CDH6: variants seen among roughly 807,000 people sequenced by gnomAD.
CDH6 encodes cadherin-6.
Under a neutral mutation model 78.0 loss-of-function variants are expected in CDH6, and 31 were observed. The observed-to-expected ratio is 0.40, with a 90% CI of 0.30 to 0.54. CDH6 has a LOEUF of 0.54. CDH6 is among the 20% of genes least tolerant of loss of function. The pLI is 0.56. For missense variants in CDH6, 724 were observed against 975.9 expected (o/e 0.74, Z 3.44); for synonymous variants, 376 against 368.8 (o/e 1.02, Z -0.23).
chr5:31,317,312 A>G, intron 9 of CDH6, 63 bp from the exon 10 acceptor site: 1 of 801,904 alleles, frequency 1.2e-6, no homozygotes, highest in East Asian at 2.5e-5. Context: ...ATTTATTGCA[A>G]AACGGTAAGA....
chr5:31,292,985 A>C (rs1737451370), intron 2 of CDH6, among the ~76,000 whole-genome samples: 1 of 151,870 alleles, frequency 6.6e-6, no homozygotes, highest in South Asian at 2.1e-4. Flanking sequence ...AGGAAACAAT[A>C]GGAAATCAAC....
intron 6 of CDH6, 49 bp from the exon 7 acceptor site, chr5:31,305,125 T>G: frequency 6.4e-7 from 1 of 1,569,184 alleles, no homozygotes; most frequent in Non-Finnish European, 8.6e-7. Flanking sequence ...GCTTTCTGTG[T>G]CTTGGCTGCT....
chr5:31,316,702 A>C (rs535652380), intron 9 of CDH6, among the ~76,000 whole-genome samples: 2 of 152,240 alleles, frequency 1.3e-5, no homozygotes, highest in Non-Finnish European at 2.9e-5. Context: ...TACATTGACC[A>C]TCTGTGTAAG....
At chr5:31,266,628 T>A (rs1373895612) in intron 1 of CDH6, among the ~76,000 whole-genome samples, 4 of 128,190 alleles carry the variant, frequency 3.1e-5, no homozygotes, top group Non-Finnish European at 6.8e-5. Flanking sequence ...TATTATTAGG[T>A]CCTCTAAGGA....
intron 1 of CDH6, among the ~76,000 whole-genome samples, chr5:31,212,482 C>T (rs1015373671): frequency 3.9e-5 from 6 of 152,070 alleles, no homozygotes; most frequent in African/African-American, 9.7e-5. Flanking sequence ...GTGCCAAATG[C>T]GGCTGAAATT....
chr5:31,265,832 T>C (rs1452766373), intron 1 of CDH6, among the ~76,000 whole-genome samples: 4 of 134,522 alleles, frequency 3.0e-5, no homozygotes, highest in African/African-American at 8.4e-5. Flanking sequence ...TGGAGTGCAG[T>C]GGTGCAATCT....
In CDH6 at chr5:31,239,268, G is replaced by C. The variant is rs149850609; in HGVS notation, c.-128-28078G>C. On this transcript the variant is annotated intron_variant, in intron 1 of 11. Transcript: ENST00000265071. The stretch of plus-strand genomic sequence containing the variant: ...GTTAAAGAAACTGAGGCCTAGAGAA[G>C]TTAAGAAACTTGCCAAGGGCCACAG... Among the ~76,000 whole-genome samples the C allele has an allele frequency of 4.6e-3, 697 of 152,306 alleles. 6 individuals carry two copies. Among genetic ancestry groups the C allele is most frequent in the African/African-American group, 0.015 (629 of 41,582 alleles).
intron 1 of CDH6, among the ~76,000 whole-genome samples, chr5:31,246,012 A>G (rs1160435991): frequency 6.7e-6 from 1 of 149,134 alleles, no homozygotes; most frequent in Admixed American, 6.8e-5. Context: ...GGTTCAAGCA[A>G]TTCTCTTGCC....
intron 2 of CDH6, among the ~76,000 whole-genome samples, chr5:31,274,589 G>T (rs1579872869): frequency 6.6e-6 from 1 of 152,232 alleles, no homozygotes; most frequent in Non-Finnish European, 1.5e-5. Context: ...GGAGGCCGAG[G>T]CAGGCATATC....
At position 31,323,189 on chromosome 5, in the gene CDH6, T is replaced by C; in HGVS notation, c.2254T>C (p.Ser752Pro). Residue 752 changes from serine to proline, a missense_variant, in exon 12 of 12, where the codon TCG becomes CCG. Around this residue, in one of 3 missense-constraint regions of CDH6, gnomAD observed 220 missense variants for 240.6 expected, o/e 0.91. Coordinates refer to ENST00000265071, the MANE Select transcript of CDH6 (RefSeq NM_004932.4). The part of the protein sequence containing the change: ...GTGSVADSLS[S>P]LESVTTDADQ... ...TGGCTCCGTGGCGGATTCCCTGAGC[T>C]CGCTGGAGTCAGTGACCACGGATGC... The C allele has an allele frequency of 6.8e-6, 11 of 1,614,150 alleles. No homozygotes were observed. Among genetic ancestry groups the C allele is most frequent in the Non-Finnish European group, 9.3e-6 (11 of 1,180,028 alleles).
Position 31,294,158 on chromosome 5 carries a change from A to G in CDH6, c.425A>G (p.Glu142Gly). Residue 142 changes from glutamate to glycine, a missense_variant, in exon 3 of 12, where the codon GAG becomes GGG. Around this residue, in one of 3 missense-constraint regions of CDH6, gnomAD observed 446 missense variants for 684.5 expected, o/e 0.65. Coordinates refer to ENST00000265071, the MANE Select transcript of CDH6 (RefSeq NM_004932.4). This position sits in a 1 kb window ranked among gnomAD's most constrained non-coding sequence, Gnocchi z 4.1. The part of the protein sequence containing the change: ...NRRTGRPVEP[E>G]SEFIIKIHDI... ...AGGACAGGGAGACCCGTGGAGCCCGAGTCTGAATTCATCATCAAGATCCAT... is the reference window on the plus strand; with the variant it reads ...AGGACAGGGAGACCCGTGGAGCCCGGGTCTGAATTCATCATCAAGATCCAT... 1.2e-6 allele frequency: 2 copies of G among 1,613,910 alleles called. No individual in the cohort carries two copies. The highest frequency in any genetic ancestry group is 1.7e-6 in the Non-Finnish European group (2 of 1,179,870).
intron 1 of CDH6, among the ~76,000 whole-genome samples, chr5:31,202,959 G>C (rs1172390351): frequency 1.3e-5 from 2 of 151,880 alleles, no homozygotes; most frequent in African/African-American, 4.8e-5. Context: ...CTTGTGGTCA[G>C]TCTAATTACC....
At chr5:31,196,479 C>G (rs539906938) in intron 1 of CDH6, among the ~76,000 whole-genome samples, 12 of 152,298 alleles carry the variant, frequency 7.9e-5, no homozygotes, top group African/African-American at 2.4e-4. Context: ...GCTTTGCAGT[C>G]ACGAATGCCA....
intron 1 of CDH6, among the ~76,000 whole-genome samples, chr5:31,261,628 T>C (rs1446637879): frequency 6.6e-6 from 1 of 152,220 alleles, no homozygotes; most frequent in Admixed American, 6.5e-5. Flanking sequence ...GTGCTTTCAA[T>C]GCCAAAGTTA....
intron 6 of CDH6, among the ~76,000 whole-genome samples, chr5:31,302,903 A>AAAAGAAAGAAGAAAGAAAG (rs1737843034): frequency 3.3e-5 from 3 of 90,424 alleles, no homozygotes; most frequent in African/African-American, 1.1e-4. Flanking sequence ...AAGAAAGAAA[A>AAAAGAAAGAAGAAAGAAAG]AAAGAAAGAA....
chr5:31,216,591 A>C (rs1441394881), intron 1 of CDH6, among the ~76,000 whole-genome samples: 2 of 150,648 alleles, frequency 1.3e-5, no homozygotes, highest in African/African-American at 2.4e-5. Context: ...CATCTAGTGT[A>C]TGTGGTAGTA....
intron 2 of CDH6, among the ~76,000 whole-genome samples, chr5:31,291,245 C>T (rs543738486): frequency 2.0e-5 from 3 of 151,900 alleles, no homozygotes; most frequent in South Asian, 2.1e-4. Context: ...CTTAGAGATA[C>T]CATGTGTCTG....
At chr5:31,213,806 C>T (rs1740785674) in intron 1 of CDH6, among the ~76,000 whole-genome samples, 1 of 152,102 alleles carries the variant, frequency 6.6e-6, no homozygotes, top group East Asian at 1.9e-4. Flanking sequence ...TTGTCAATTA[C>T]CTCCTTCAGA....
At chr5:31,283,832 T>TAA (rs1742936036) in intron 2 of CDH6, among the ~76,000 whole-genome samples, 1 of 151,156 alleles carries the variant, frequency 6.6e-6, no homozygotes, top group Non-Finnish European at 1.5e-5. Flanking sequence ...TTATTTTTTT[T>TAA]AAGATGGAGT....
Sources: allele counts gnomAD v4.1 joint callset (sites outside exome capture counted in the v4.1 genomes callset), GRCh38; gene constraint gnomAD v4.1.1; regional missense constraint gnomAD v4.1.1; non-coding constraint Gnocchi (gnomAD v3.1); transcripts MANE v1.5; gene names NCBI Gene and HGNC (gene_info 2026-07-23, HGNC 2026-07-21).